The following DIAPH1 variants were observed in gnomAD, a reference collection of about 807,000 sequenced individuals.
The protein encoded by DIAPH1 is diaphanous related formin 1.
A neutral mutation model predicts 140.7 loss-of-function variants in DIAPH1; 46 were observed. That is an observed-to-expected ratio of 0.33 (90% confidence interval 0.26 to 0.42). The LOEUF (loss-of-function observed/expected upper bound fraction) is 0.42, where lower values mean the gene tolerates loss of function less well. DIAPH1 is among the 10% of genes least tolerant of loss of function. DIAPH1 has a pLI of 1.00. For missense variants in DIAPH1, 1,310 were observed against 1,558.7 expected, an observed-to-expected ratio of 0.84 and a Z score of 2.69; for synonymous variants, 565 against 551.6, an observed-to-expected ratio of 1.02 and a Z score of -0.34.
In DIAPH1 at chr5:141,573,957, A is replaced by G. The variant is rs1468906177; in HGVS notation, c.1893T>C (p.Pro631=). The G allele has an allele frequency of 1.3e-6, 2 of 1,549,292 alleles. No homozygotes were observed. The highest frequency in any genetic ancestry group is 4.9e-5 in the East Asian group (2 of 41,010). ...LPGGVCISSP[P]SLPGGTAISP... is the part of the protein sequence containing the mutation. The stretch of plus-strand genomic sequence containing the variant: ...AGATAGCAGTACCTCCAGGTAAAGA[A>G]GGGGGTGAGGAGATGCAAACACCCC... Residue 631 remains proline (P), a synonymous_variant, in exon 16 of 28, where the codon CCT becomes CCC. Coordinates refer to ENST00000389054, the MANE Select transcript of DIAPH1 (RefSeq NM_005219.5).
In DIAPH1 at chr5:141,565,926, C is replaced by T. The variant is rs1022250904; in HGVS notation, c.2482+5502G>A. Among the ~76,000 whole-genome samples, 31 of 152,130 alleles carry T rather than the reference C, an allele frequency of 2.0e-4. No individual in the cohort carries two copies. The highest frequency in any genetic ancestry group is 7.2e-4 in the African/African-American group (30 of 41,410). Reference sequence around the variant, plus strand: ...TATTCTCCAGCCATGTTCAGTTGCACAGCTACAGGAGCAGGACAAAGACAG... The same window carrying T: ...TATTCTCCAGCCATGTTCAGTTGCATAGCTACAGGAGCAGGACAAAGACAG... On this transcript the variant is annotated intron_variant, in intron 18 of 27. Coordinates refer to ENST00000389054, the MANE Select transcript of DIAPH1 (RefSeq NM_005219.5). This position sits in a 1 kb window ranked among gnomAD's most constrained non-coding sequence, Gnocchi z 4.3.
intron 1 of DIAPH1, among the ~76,000 whole-genome samples, chr5:141,606,760 C>T (rs146077532): frequency 6.6e-6 from 1 of 151,868 alleles, no homozygotes; most frequent in Non-Finnish European, 1.5e-5. Context: ...TCATTAAACA[C>T]AAGTCAAAAC....
intron 1 of DIAPH1, among the ~76,000 whole-genome samples, chr5:141,612,594 T>C (rs1347808968): frequency 6.6e-6 from 1 of 152,048 alleles, no homozygotes; most frequent in Non-Finnish European, 1.5e-5. Context: ...AACTAATCTA[T>C]AGTTACAGAA....
Position 141,573,925 on chromosome 5 carries a change from G to A in DIAPH1, c.1925C>T (p.Pro642Leu), listed in dbSNP as rs2099895573. The A allele has an allele frequency of 6.4e-7, 1 of 1,552,448 alleles. No homozygotes were observed. The highest frequency in any genetic ancestry group is 8.7e-7 in the Non-Finnish European group (1 of 1,148,020). Residue 642 changes from proline to leucine, a missense_variant, in exon 16 of 28, where the codon CCC becomes CTC. By Grantham distance (98) the Pro-to-Leu change is moderately conservative (BLOSUM62 -3). Transcript: ENST00000389054. ...SLPGGTAISP[P>L]PPLSGDATIP... is the part of the protein sequence containing the mutation. ...GGTAGCATCCCCAGACAAAGGAGGG[G>A]GTGGAGAGATAGCAGTACCTCCAGG...
intron 12 of DIAPH1, 95 bp downstream of exon 12, chr5:141,577,380 A>G: frequency 1.1e-6 from 1 of 922,154 alleles, no homozygotes; most frequent in Non-Finnish European, 1.8e-6. Context: ...CTTTGTCTTT[A>G]CATTTTCCTT....
chr5:141,591,276 T>C (rs755153039), intron 1 of DIAPH1, among the ~76,000 whole-genome samples: 9 of 152,148 alleles, frequency 5.9e-5, no homozygotes, highest in Admixed American at 3.3e-4. Flanking sequence ...TGTGTTTCCA[T>C]AGTAAAAGGC....
intron 18 of DIAPH1, among the ~76,000 whole-genome samples, chr5:141,546,033 T>C (rs2099890746): frequency 6.6e-6 from 1 of 152,152 alleles, no homozygotes; most frequent in South Asian, 2.1e-4. Flanking sequence ...TAATCTTGAA[T>C]AAATGAAAAC....
rs746371106 is a variant in DIAPH1 at position 141,574,106 on chromosome 5, C to T, written c.1744G>A (p.Val582Ile). 9 of 1,613,838 alleles carry T rather than the reference C, an allele frequency of 5.6e-6. No individual in the cohort carries two copies. Among genetic ancestry groups the T allele is most frequent in the Non-Finnish European group, 7.6e-6 (9 of 1,179,936 alleles). ...VPPSVPSRAPVPPAPPLPGDS... is the reference protein window; with the variant it reads ...VPPSVPSRAPIPPAPPLPGDS... ...CCAGGTAAAGGAGGGGCAGGGGGAA[C>T]AGGAGCACGACTAGGAACAGAAGGA... is the stretch of plus-strand genomic sequence containing the variant. The change falls in exon 16 of 28, where the codon GTT becomes ATT. Residue 582 changes from valine (V) to isoleucine (I), a missense_variant. Around this residue, in one of 3 missense-constraint regions of DIAPH1, gnomAD observed 589 missense variants for 549.3 expected, o/e 1.07. Coordinates refer to ENST00000389054, the MANE Select transcript of DIAPH1 (RefSeq NM_005219.5).
At chr5:141,569,446 G>A (rs2099894825) in intron 18 of DIAPH1, among the ~76,000 whole-genome samples, 1 of 152,172 alleles carries the variant, frequency 6.6e-6, no homozygotes. Context: ...ATTCAATTCA[G>A]TATTCAAGAA....
intron 1 of DIAPH1, among the ~76,000 whole-genome samples, chr5:141,594,423 G>A (rs1373219153): frequency 6.6e-6 from 1 of 152,134 alleles, no homozygotes; most frequent in Admixed American, 6.5e-5. Flanking sequence ...AGGGCATACT[G>A]CTAAAAGAAA....
chr5:141,579,879 A>G (rs1331153802), intron 8 of DIAPH1, among the ~76,000 whole-genome samples: 4 of 150,164 alleles, frequency 2.7e-5, no homozygotes, highest in Non-Finnish European at 5.9e-5. Context: ...ACCTGGGAGG[A>G]GGAGTTTGCA....
At chr5:141,562,216 G>C (rs879274711) in intron 18 of DIAPH1, among the ~76,000 whole-genome samples, 30 of 143,638 alleles carry the variant, frequency 2.1e-4, no homozygotes, top group Non-Finnish European at 3.5e-4. Flanking sequence ...TGTAGCTACT[G>C]TTTCAAAAAA....
rs2099903151 is a variant in DIAPH1 at position 141,618,931 on chromosome 5, G to GC, written c.-18dup. The GC allele has an allele frequency of 1.4e-6, 2 of 1,431,608 alleles. No individual in the cohort carries two copies. The highest frequency in any genetic ancestry group is 1.5e-5 in the African/African-American group (1 of 66,950). 88.7% of individuals were successfully genotyped at this position (1,431,608 alleles called of 1,614,324 possible). A position where few individuals can be genotyped will look rare whatever the true frequency, so the allele number is the denominator to read the frequency against. On this transcript the variant is annotated 5_prime_UTR_variant, in exon 1 of 28. Transcript: ENST00000389054. ...CGGCTCCATGTCCCGGTTCACGCTGGCCGGCGACCCCGCGCCTACGCCGCT... is the reference window on the plus strand; with the variant it reads ...CGGCTCCATGTCCCGGTTCACGCTGGCCCGGCGACCCCGCGCCTACGCCGCT...
intron 1 of DIAPH1, among the ~76,000 whole-genome samples, chr5:141,617,178 G>C (rs2099902814): frequency 6.6e-6 from 1 of 151,216 alleles, no homozygotes; most frequent in Non-Finnish European, 1.5e-5. Context: ...TAGAACTTAA[G>C]TTTTGGAAGG....
intron 19 of DIAPH1, 72 bp from the exon 20 acceptor site, chr5:141,529,769 A>AGGTT: frequency 3.1e-6 from 4 of 1,301,084 alleles, no homozygotes; most frequent in Non-Finnish European, 4.5e-6. Flanking sequence ...CTGCAAACCT[A>AGGTT]TGCTGGATAA....
In DIAPH1 at chr5:141,591,695, G is replaced by GAGATATAT. The variant is rs1212743856; in HGVS notation, c.118-3446_118-3445insATATATCT. Among the ~76,000 whole-genome samples, 95 of 86,350 alleles carry GAGATATAT rather than the reference G, an allele frequency of 1.1e-3. 3 individuals are homozygous for GAGATATAT. Among genetic ancestry groups the GAGATATAT allele is most frequent in the African/African-American group, 4.9e-3 (85 of 17,476 alleles). 56.6% of individuals were successfully genotyped at this position (86,350 alleles called of 152,430 possible). ...TGGAAAAGGAAGGAAGGGAGATGGG[G>GAGATATAT]ATATATATATATATATATATATATA... On this transcript the variant is annotated intron_variant, in intron 1 of 27. Coordinates refer to ENST00000389054, the MANE Select transcript of DIAPH1 (RefSeq NM_005219.5).
chr5:141,516,649 C>A lies in DIAPH1; in HGVS notation c.*202G>T. ...TGGCTAAGTCGGGCTCAGGCCTCCC[C>A]TGCACTGCCCTTTCCTTCTGGCCTC... On this transcript the variant is annotated 3_prime_UTR_variant, in exon 28 of 28. Transcript: ENST00000389054. 3.1e-6 allele frequency: 2 copies of A among 652,192 alleles called. No individual in the cohort carries two copies. The highest frequency in any genetic ancestry group is 5.4e-6 in the Non-Finnish European group (2 of 369,394). 40.4% of individuals were successfully genotyped at this position (652,192 alleles called of 1,614,324 possible). A position where few individuals can be genotyped will look rare whatever the true frequency, so the allele number is the denominator to read the frequency against.
intron 1 of DIAPH1, among the ~76,000 whole-genome samples, chr5:141,606,557 G>T (rs142772045): frequency 0.051 from 7,832 of 152,120 alleles, 309 homozygotes; most frequent in Middle Eastern, 0.078. Flanking sequence ...ACCACGCCTG[G>T]ATAATTTTTG....
intron 3 of DIAPH1, among the ~76,000 whole-genome samples, chr5:141,585,342 T>C (rs2099897364): frequency 6.6e-6 from 1 of 152,116 alleles, no homozygotes; most frequent in Non-Finnish European, 1.5e-5. Flanking sequence ...AGATAAAATG[T>C]TTCACTTGGC....
Sources: allele counts gnomAD v4.1 joint callset (sites outside exome capture counted in the v4.1 genomes callset), GRCh38; gene constraint gnomAD v4.1.1; regional missense constraint gnomAD v4.1.1; non-coding constraint Gnocchi (gnomAD v3.1); transcripts MANE v1.5; gene names NCBI Gene and HGNC (gene_info 2026-07-23, HGNC 2026-07-21).